Variants in FSTL5 observed in about 807,000 individuals in gnomAD.
FSTL5 encodes the protein follistatin like 5, also known as follistatin-related protein 5.
Under a neutral mutation model 89.1 loss-of-function variants are expected in FSTL5, and 62 were observed. That is an observed-to-expected ratio of 0.70 (90% CI 0.57 to 0.86). FSTL5 has a LOEUF of 0.86. Among genes scored for constraint, FSTL5 ranks in the 40% least tolerant of loss-of-function variants. FSTL5 has a pLI of 0.00. For missense variants in FSTL5, 1,057 were observed against 1,001.6 expected, an observed-to-expected ratio of 1.06 and a Z score of -0.75; for synonymous variants, 383 against 346.2, an observed-to-expected ratio of 1.11 and a Z score of -1.18.
At chr4:161,636,847 T>C (rs1287490509) in intron 7 of FSTL5, among the ~76,000 whole-genome samples, 1 of 114,044 alleles carries the variant, frequency 8.8e-6, no homozygotes, top group Non-Finnish European at 1.7e-5. Flanking sequence ...CACATTTTCT[T>C]AATCCAGTCT....
chr4:161,566,782 T>C (rs1485317201), intron 8 of FSTL5, among the ~76,000 whole-genome samples: 1 of 152,080 alleles, frequency 6.6e-6, no homozygotes, highest in Non-Finnish European at 1.5e-5. Context: ...TTATAATAAT[T>C]ACTCATAAGT....
Position 161,538,228 on chromosome 4 carries a change from T to A in FSTL5, c.1250A>T (p.Asn417Ile). 1 of 1,614,098 alleles carries A rather than the reference T, an allele frequency of 6.2e-7. No homozygotes were observed. Reference sequence around the variant, plus strand: ...GATGTCTTCATCCACTCCTGCTTCATTCTTTGCGATACAAGTGTATGCTCC... The same window carrying A: ...GATGTCTTCATCCACTCCTGCTTCAATCTTTGCGATACAAGTGTATGCTCC... Reference protein sequence around the residue: ...DTGAYTCIAKNEAGVDEDISS... With the variant: ...DTGAYTCIAKIEAGVDEDISS... Residue 417 changes from asparagine to isoleucine, a missense_variant, in exon 10 of 16, where the codon AAT (asparagine) becomes ATT (isoleucine). Coordinates refer to ENST00000306100, the MANE Select transcript of FSTL5 (RefSeq NM_020116.5).
At chr4:162,103,927 A>T (rs1302998731) in intron 2 of FSTL5, among the ~76,000 whole-genome samples, 14 of 152,164 alleles carry the variant, frequency 9.2e-5, no homozygotes. Context: ...CGGGATATAA[A>T]CCCAGGCATT....
chr4:161,618,123 T>C (rs1466773773), intron 7 of FSTL5, among the ~76,000 whole-genome samples: 1 of 134,560 alleles, frequency 7.4e-6, no homozygotes, highest in Non-Finnish European at 1.5e-5. Context: ...GGCTCTCTGT[T>C]TGTCTGTTAT....
At chr4:161,671,086 T>A (rs1013676346) in intron 6 of FSTL5, among the ~76,000 whole-genome samples, 1 of 152,220 alleles carries the variant, frequency 6.6e-6, no homozygotes, top group East Asian at 1.9e-4. Flanking sequence ...ATTGCCCTTT[T>A]CAACTCTAAA....
At chr4:161,808,813 A>G (rs1183005329) in intron 4 of FSTL5, among the ~76,000 whole-genome samples, 1 of 152,194 alleles carries the variant, frequency 6.6e-6, no homozygotes, top group Non-Finnish European at 1.5e-5. Context: ...AACGAAATTA[A>G]ATCACTTGAT....
intron 13 of FSTL5, among the ~76,000 whole-genome samples, chr4:161,466,142 G>A (rs916402526): frequency 6.6e-6 from 1 of 152,052 alleles, no homozygotes; most frequent in Non-Finnish European, 1.5e-5. Context: ...ATTGATAAAA[G>A]CAATTTTTCT....
At chr4:161,473,735 G>A (rs990296921) in intron 13 of FSTL5, among the ~76,000 whole-genome samples, 2 of 152,100 alleles carry the variant, frequency 1.3e-5, no homozygotes, top group African/African-American at 2.4e-5. Context: ...CCAGGCCCTT[G>A]TGACTTTTTA....
intron 15 of FSTL5, among the ~76,000 whole-genome samples, chr4:161,431,128 T>C (rs1578968138): frequency 6.6e-6 from 1 of 152,170 alleles, no homozygotes; most frequent in South Asian, 2.1e-4. Flanking sequence ...TATACTGTAA[T>C]AGTAAGTACA....
chr4:162,089,632 C>CAAAAAAAAAAAAAAAA (rs755573032), intron 2 of FSTL5, among the ~76,000 whole-genome samples: 4 of 42,476 alleles, frequency 9.4e-5, no homozygotes, highest in Admixed American at 2.6e-4. Context: ...GAATCTGTCT[C>CAAAAAAAAAAAAAAAA]AAAAAAAAAA....
intron 3 of FSTL5, among the ~76,000 whole-genome samples, chr4:161,935,789 T>C (rs1331043666): frequency 6.6e-6 from 1 of 152,032 alleles, no homozygotes; most frequent in African/African-American, 2.4e-5. Flanking sequence ...ACGTTTCCAA[T>C]GGTAGGATGA....
intron 8 of FSTL5, among the ~76,000 whole-genome samples, chr4:161,553,171 T>C (rs1046155371): frequency 6.6e-6 from 1 of 151,546 alleles, no homozygotes. Context: ...CTAATATAGC[T>C]CAGGAAATGC....
At chr4:161,962,174 T>C (rs1409774475) in intron 3 of FSTL5, among the ~76,000 whole-genome samples, 1 of 152,018 alleles carries the variant, frequency 6.6e-6, no homozygotes, top group African/African-American at 2.4e-5. Flanking sequence ...ATTATCACAT[T>C]TAATAATTAT....
At position 161,835,056 on chromosome 4, in the gene FSTL5, T is replaced by C. The variant is rs529915520; in HGVS notation, c.410-58982A>G. Among the ~76,000 whole-genome samples the C allele has an allele frequency of 5.5e-5, 8 of 145,470 alleles. No homozygotes were observed. In the South Asian group the frequency reaches 1.3e-3, roughly 23 times the overall value. ...CATGATACTTGACTTCAAACTATAC[T>C]ATAAGGCTACAGTAACCAAAACAGC... On this transcript the variant is annotated intron_variant, in intron 4 of 15. Transcript: ENST00000306100.
chr4:161,762,637 G>T (rs1485197625), intron 5 of FSTL5, among the ~76,000 whole-genome samples: 1 of 152,078 alleles, frequency 6.6e-6, no homozygotes, highest in African/African-American at 2.4e-5. Context: ...GGTATAAGTG[G>T]TATAAGAGAT....
intron 15 of FSTL5, among the ~76,000 whole-genome samples, chr4:161,431,548 A>C (rs181115475): frequency 3.2e-3 from 484 of 152,216 alleles, no homozygotes; most frequent in African/African-American, 0.011. Flanking sequence ...AGGGAGAAAG[A>C]AGAAAGAGAA....
chr4:162,162,378 C>T (rs1228277221), intron 1 of FSTL5, among the ~76,000 whole-genome samples: 1 of 152,046 alleles, frequency 6.6e-6, no homozygotes, highest in Admixed American at 6.6e-5. Context: ...TTATATTTAA[C>T]TCATTCCTAT....
At chr4:161,424,935 A>G (rs1224651447) in intron 15 of FSTL5, among the ~76,000 whole-genome samples, 1 of 152,198 alleles carries the variant, frequency 6.6e-6, no homozygotes, top group African/African-American at 2.4e-5. Flanking sequence ...AATGTTAACC[A>G]ATTGGCTTTT....
chr4:162,131,782 C>A (rs1732311029), intron 1 of FSTL5, among the ~76,000 whole-genome samples: 1 of 152,238 alleles, frequency 6.6e-6, no homozygotes, highest in African/African-American at 2.4e-5. Context: ...ACCTCACTAA[C>A]TTTCCTAGCC....
Sources: gnomAD v4.1 joint callset for allele counts (sites outside exome capture counted in the v4.1 genomes callset) on GRCh38, gnomAD v4.1.1 for gene constraint, MANE v1.5 for transcripts, NCBI Gene and HGNC (gene_info 2026-07-23, HGNC 2026-07-21) for gene names.